PFKFB3: variants seen among roughly 807,000 people sequenced by gnomAD.
The protein encoded by PFKFB3 is 6-phosphofructo-2-kinase/fructose-2,6-bisphosphatase 3.
In PFKFB3, 33 loss-of-function variants were observed where a neutral mutation model predicts 68.0. The observed-to-expected ratio is 0.49, with a 90% CI of 0.37 to 0.65. PFKFB3 has a LOEUF of 0.65. Ranked by LOEUF, PFKFB3 falls within the 30% of genes least tolerant of loss-of-function variation. The pLI, the probability that PFKFB3 is intolerant of heterozygous loss-of-function variation, is 0.00. For synonymous variants in PFKFB3, 315 were observed against 288.2 expected (o/e 1.09, Z -0.94); for missense variants, 586 against 712.2 (o/e 0.82, Z 2.02).
intron 1 of PFKFB3, among the ~76,000 whole-genome samples, chr10:6,188,028 A>G (rs1842922140): frequency 6.6e-6 from 1 of 151,868 alleles, no homozygotes; most frequent in South Asian, 2.1e-4. Flanking sequence ...TATCTGCCTC[A>G]TAAAGAGGAA....
intron 1 of PFKFB3, among the ~76,000 whole-genome samples, chr10:6,191,701 G>A (rs569336781): frequency 6.6e-6 from 1 of 152,280 alleles, no homozygotes; most frequent in South Asian, 2.1e-4. Flanking sequence ...TGCTGCATTT[G>A]CCGTCCCTCT....
At position 6,229,303 on chromosome 10, in the gene PFKFB3, T is replaced by G; in HGVS notation, c.1515+2938T>G. Reference sequence around the variant, plus strand: ...GGTCGGCAGGGCAGTCAGTCCCCCGTTTAATGGTTGAGGGGCTGAGTGACC... The same window carrying G: ...GGTCGGCAGGGCAGTCAGTCCCCCGGTTAATGGTTGAGGGGCTGAGTGACC... On this transcript the variant is annotated intron_variant, in intron 14 of 14. Transcript: ENST00000379775. The surrounding 1 kb of genome is among the most constrained non-coding windows in gnomAD (Gnocchi z 4.3). 2.5e-6 allele frequency: 1 copy of G among 400,880 alleles called. No individual in the cohort carries two copies. The highest frequency in any genetic ancestry group is 5.2e-6 in the Non-Finnish European group (1 of 191,820). The allele number at this position is 400,880 out of a possible 1,614,324, so 24.8% of individuals were successfully genotyped here.
chr10:6,309,054 G>A, the PFKFB3 span, among the ~76,000 whole-genome samples: 14 of 152,108 alleles, frequency 9.2e-5, no homozygotes, highest in East Asian at 1.9e-4. Context: ...AAGAGAGGGC[G>A]GGTGGGATGT....
chr10:6,273,715 A>G, the PFKFB3 span, among the ~76,000 whole-genome samples: 15 of 152,326 alleles, frequency 9.8e-5, no homozygotes, highest in South Asian at 3.1e-3. Context: ...TTAATCCAGT[A>G]TGGCTGATGT....
At chr10:6,299,426 G>C in the PFKFB3 span, among the ~76,000 whole-genome samples, 1 of 152,180 alleles carries the variant, frequency 6.6e-6, no homozygotes, top group Non-Finnish European at 1.5e-5. Context: ...CACGTGCTGG[G>C]TCCCTGCGTT....
chr10:6,314,823 T>C, the PFKFB3 span, among the ~76,000 whole-genome samples: 18 of 152,248 alleles, frequency 1.2e-4, no homozygotes, highest in South Asian at 3.1e-3. Flanking sequence ...GAACCCATCA[T>C]GAGAAGCTGA....
Position 6,216,172 on chromosome 10 carries a change from A to G in PFKFB3, c.347A>G (p.Lys116Arg). ...AGAGATGTCAAAAGCTACCTGGCGAAAGAAGGGGGACAAATTGCGGTAAGT... is the reference window on the plus strand; with the variant it reads ...AGAGATGTCAAAAGCTACCTGGCGAGAGAAGGGGGACAAATTGCGGTAAGT... ...ALRDVKSYLA[K>R]EGGQIAVFDA... is the part of the protein sequence containing the mutation. The change falls in exon 4 of 15, where the codon AAA becomes AGA. Residue 116 changes from lysine to arginine, a missense_variant. Coordinates refer to ENST00000379775, the MANE Select transcript of PFKFB3 (RefSeq NM_004566.4). 6.2e-7 allele frequency: 1 copy of G among 1,614,146 alleles called. No homozygotes were observed. Among genetic ancestry groups the G allele is most frequent in the Non-Finnish European group, 8.5e-7 (1 of 1,179,994 alleles).
At chr10:6,309,493 A>G in the PFKFB3 span, among the ~76,000 whole-genome samples, 1 of 152,046 alleles carries the variant, frequency 6.6e-6, no homozygotes, top group African/African-American at 2.4e-5. Context: ...ATGGTGGTGC[A>G]TGCCTGTAAT....
At chr10:6,150,091 C>T (rs1158858373) in intron 1 of PFKFB3, among the ~76,000 whole-genome samples, 1 of 152,126 alleles carries the variant, frequency 6.6e-6, no homozygotes, top group Non-Finnish European at 1.5e-5. Flanking sequence ...TTTCTGTCAC[C>T]TTTTCCATTG....
chr10:6,158,179 C>T (rs751480294), intron 1 of PFKFB3, among the ~76,000 whole-genome samples: 1 of 151,880 alleles, frequency 6.6e-6, no homozygotes, highest in Non-Finnish European at 1.5e-5. Flanking sequence ...GTCCCAGCTA[C>T]TTGGGAGGCT....
At chr10:6,316,618 C>T in the PFKFB3 span, among the ~76,000 whole-genome samples, 3 of 152,134 alleles carry the variant, frequency 2.0e-5, no homozygotes, top group Non-Finnish European at 4.4e-5. Flanking sequence ...GCTGGGATTA[C>T]AGGCATGCAC....
At chr10:6,319,405 A>G in the PFKFB3 span, among the ~76,000 whole-genome samples, 2 of 152,244 alleles carry the variant, frequency 1.3e-5, no homozygotes, top group African/African-American at 4.8e-5. Flanking sequence ...CAACTCAGAA[A>G]CAGAAAGTCA....
At chr10:6,198,534 G>A (rs757189095), upstream of PFKFB3, among the ~76,000 whole-genome samples, 2 of 152,200 alleles carry the variant, frequency 1.3e-5, no homozygotes, top group Non-Finnish European at 2.9e-5. Flanking sequence ...TCAGGCTGGA[G>A]TGCAGTGGCA....
Position 6,215,171 on chromosome 10 carries a change from G to A in PFKFB3, c.203-50G>A, listed in dbSNP as rs775550893. The A allele has an allele frequency of 2.7e-6, 4 of 1,491,230 alleles. No homozygotes were observed. Among genetic ancestry groups the A allele is most frequent in the Admixed American group, 1.7e-5 (1 of 59,668 alleles). 92.4% of individuals were successfully genotyped at this position (1,491,230 alleles called of 1,614,324 possible). A position where few individuals can be genotyped will look rare whatever the true frequency, so the allele number is the denominator to read the frequency against. On this transcript the variant is annotated intron_variant, in intron 2 of 14. Coordinates refer to ENST00000379775, the MANE Select transcript of PFKFB3 (RefSeq NM_004566.4). This position sits in a 1 kb window ranked among gnomAD's most constrained non-coding sequence, Gnocchi z 4.3. ...GATCCTATGGTCCCGGTGTGAGCTG[G>A]CCCCTTCCTCCTGCTCGATCATCCA... is the stretch of plus-strand genomic sequence containing the variant.
At chr10:6,262,728 G>C in the PFKFB3 span, among the ~76,000 whole-genome samples, 1 of 152,126 alleles carries the variant, frequency 6.6e-6, no homozygotes, top group African/African-American at 2.4e-5. Flanking sequence ...GAAGCCCTAA[G>C]GTAACAGAGA....
At position 6,226,212 on chromosome 10, in the gene PFKFB3, C is replaced by G; in HGVS notation, c.1362C>G (p.Asn454Lys). 4.4e-6 allele frequency: 7 copies of G among 1,608,410 alleles called. No individual in the cohort carries two copies. Among genetic ancestry groups the G allele is most frequent in the Non-Finnish European group, 5.9e-6 (7 of 1,177,614 alleles). The stretch of plus-strand genomic sequence containing the variant: ...CTTAGGATGCAAAGAAGGGACCTAA[C>G]CCGCTCATGAGACGCAATAGTGTCA... ...ERSEDAKKGP[N>K]PLMRRNSVTP... The change falls in exon 14 of 15, where the codon AAC becomes AAG. Residue 454 changes from asparagine to lysine, a missense_variant. Physicochemically the swap from Asn to Lys is moderately conservative, Grantham distance 94. Transcript: ENST00000379775.
intron 1 of PFKFB3, chr10:6,146,319 G>C (rs1225828776): frequency 6.6e-7 from 1 of 1,525,516 alleles, no homozygotes; most frequent in Non-Finnish European, 8.8e-7. Flanking sequence ...AGGTATCAGC[G>C]TGGGCTCCTG....
At chr10:6,198,729 C>T (rs887028662), upstream of PFKFB3, among the ~76,000 whole-genome samples, 6 of 152,326 alleles carry the variant, frequency 3.9e-5, no homozygotes, top group South Asian at 2.1e-4. Context: ...GTGATCTGCC[C>T]GCCTTGGCCT....
chr10:6,313,630 G>C, the PFKFB3 span, among the ~76,000 whole-genome samples: 1 of 152,128 alleles, frequency 6.6e-6, no homozygotes, highest in Admixed American at 6.5e-5. This position sits in a 1 kb window ranked among gnomAD's most constrained non-coding sequence, Gnocchi z 4.2. Context: ...TCCTTGCATT[G>C]GCTGTGCTGC....
Sources: allele counts gnomAD v4.1 joint callset (sites outside exome capture counted in the v4.1 genomes callset), GRCh38; gene constraint gnomAD v4.1.1; non-coding constraint Gnocchi (gnomAD v3.1); transcripts MANE v1.5; gene names NCBI Gene and HGNC (gene_info 2026-07-23, HGNC 2026-07-21).